Variants in PRKCI observed in about 807,000 individuals in gnomAD.
PRKCI encodes the protein protein kinase C iota type.
A neutral mutation model predicts 84.0 loss-of-function variants in PRKCI; 43 were observed. The ratio of observed to expected loss-of-function variants is 0.51; its 90% CI spans 0.40 to 0.66. PRKCI has a LOEUF of 0.66. Ranked by LOEUF, PRKCI falls within the 30% of genes least tolerant of loss-of-function variation. The pLI, the probability that PRKCI is intolerant of heterozygous loss-of-function variation, is 0.00. For synonymous variants in PRKCI, 216 were observed against 234.4 expected, an observed-to-expected ratio of 0.92 and a Z score of 0.72; for missense variants, 459 against 745.6, an observed-to-expected ratio of 0.62 and a Z score of 4.48.
chr3:170,238,128 C>T (rs867884249), intron 2 of PRKCI, among the ~76,000 whole-genome samples: 5 of 152,100 alleles, frequency 3.3e-5, no homozygotes, highest in Non-Finnish European at 7.3e-5. Context: ...TTTGGGAGGC[C>T]GAGGCGGGTG....
At chr3:170,256,920 G>A (rs1041131684) in intron 2 of PRKCI, among the ~76,000 whole-genome samples, 1 of 151,006 alleles carries the variant, frequency 6.6e-6, no homozygotes. Context: ...TCTTAATTTT[G>A]TATTGACCCC....
intron 2 of PRKCI, among the ~76,000 whole-genome samples, chr3:170,249,515 G>A (rs962675208): frequency 2.6e-5 from 4 of 152,160 alleles, no homozygotes; most frequent in Admixed American, 6.5e-5. Flanking sequence ...TTAGCTGGGC[G>A]TGGTGGCTCA....
chr3:170,232,985 A>G (rs1473131269), intron 1 of PRKCI, among the ~76,000 whole-genome samples: 3 of 152,114 alleles, frequency 2.0e-5, no homozygotes, highest in Non-Finnish European at 2.9e-5. Context: ...CATTATTAAA[A>G]GGTGGAAATT....
rs1487706567 is a variant in PRKCI at position 170,303,996 on chromosome 3, A to C, written c.*869A>C. 1 of 159,246 alleles carries C rather than the reference A, an allele frequency of 6.3e-6. No homozygotes were observed. The highest frequency in any genetic ancestry group is 1.6e-4 in the East Asian group (1 of 6,430). 9.9% of individuals were successfully genotyped at this position (159,246 alleles called of 1,614,324 possible). A position where few individuals can be genotyped will look rare whatever the true frequency, so the allele number is the denominator to read the frequency against. On this transcript the variant is annotated 3_prime_UTR_variant, in exon 18 of 18. Coordinates refer to ENST00000295797, the MANE Select transcript of PRKCI (RefSeq NM_002740.6). ...GAGACTCGGTCTCAAACAAAAACCA[A>C]ATTGGGAAATTCTTCTTGAGTTAAA... is the stretch of plus-strand genomic sequence containing the variant.
At chr3:170,236,642 G>C (rs1163250153) in intron 2 of PRKCI, among the ~76,000 whole-genome samples, 1 of 152,036 alleles carries the variant, frequency 6.6e-6, no homozygotes, top group African/African-American at 2.4e-5. Flanking sequence ...TGGGAGGATT[G>C]CTTGAGGCCA....
intron 4 of PRKCI, among the ~76,000 whole-genome samples, chr3:170,265,079 C>G (rs983885314): frequency 2.6e-5 from 4 of 151,914 alleles, no homozygotes; most frequent in African/African-American, 9.7e-5. Context: ...ATCCTAGCTA[C>G]CTGGGAGGCT....
intron 2 of PRKCI, among the ~76,000 whole-genome samples, chr3:170,248,205 G>C (rs1733340436): frequency 6.6e-6 from 1 of 152,142 alleles, no homozygotes; most frequent in Non-Finnish European, 1.5e-5. Context: ...AATAAAACAA[G>C]AGTTACATAT....
At position 170,290,691 on chromosome 3, in the gene PRKCI, C is replaced by T. The variant is rs374744883; in HGVS notation, c.1204-1163C>T. Among the ~76,000 whole-genome samples the T allele has an allele frequency of 5.2e-3, 789 of 151,678 alleles. 34 individuals carry two copies. The South Asian group carries it at 0.12, about 24-fold the overall frequency. On this transcript the variant is annotated intron_variant, in intron 12 of 17. Coordinates refer to ENST00000295797, the MANE Select transcript of PRKCI (RefSeq NM_002740.6). ...GTGAAATTCTCCTAATAATTTTGTC[C>T]TTTTTTACTCTTTGTATTTTGAGGC...
chr3:170,254,060 G>C (rs1733522208), intron 2 of PRKCI, among the ~76,000 whole-genome samples: 1 of 150,880 alleles, frequency 6.6e-6, no homozygotes, highest in African/African-American at 2.4e-5. Flanking sequence ...TTACGCCACT[G>C]CACTCCAGCC....
In PRKCI at chr3:170,297,375, A is replaced by C. The variant is rs2108867531; in HGVS notation, c.1569A>C (p.Arg523=). 6.2e-7 allele frequency: 1 copy of C among 1,612,590 alleles called. No homozygotes were observed. The highest frequency in any genetic ancestry group is 2.2e-5 in the East Asian group (1 of 44,864). ...ATATTCAGGGACACCCGTTCTTCCG[A>C]AATGTTGATTGGGATATGGTATGTA... ...FADIQGHPFF[R]NVDWDMMEQK... is the part of the protein sequence containing the mutation. The change falls in exon 16 of 18, where the codon CGA becomes CGC. Residue 523 remains arginine, a synonymous_variant. Coordinates refer to ENST00000295797, the MANE Select transcript of PRKCI (RefSeq NM_002740.6).
At chr3:170,226,247 G>A (rs1156947924) in intron 1 of PRKCI, among the ~76,000 whole-genome samples, 1 of 152,126 alleles carries the variant, frequency 6.6e-6, no homozygotes, top group Non-Finnish European at 1.5e-5. Context: ...GAGATTAATA[G>A]CACTGAAAAT....
intron 12 of PRKCI, among the ~76,000 whole-genome samples, chr3:170,287,258 G>T (rs1390414429): frequency 6.6e-6 from 1 of 151,878 alleles, no homozygotes; most frequent in Non-Finnish European, 1.5e-5. Context: ...TTGAGCCTGG[G>T]GCTGTAGTGA....
intron 2 of PRKCI, among the ~76,000 whole-genome samples, chr3:170,252,912 C>CT (rs1285864355): frequency 2.6e-5 from 4 of 152,180 alleles, no homozygotes; most frequent in Admixed American, 2.6e-4. Context: ...ATTCTACTCT[C>CT]TATCTCCATG....
intron 2 of PRKCI, among the ~76,000 whole-genome samples, chr3:170,247,533 C>G (rs958233927): frequency 5.9e-5 from 9 of 151,536 alleles, no homozygotes; most frequent in Admixed American, 5.3e-4. Flanking sequence ...GAGTTCGAGA[C>G]CAGCCTGACC....
chr3:170,260,191 G>A (rs1302831451), intron 3 of PRKCI, 133 bp downstream of exon 3: 2 of 568,278 alleles, frequency 3.5e-6, no homozygotes, highest in Admixed American at 3.6e-5. Flanking sequence ...AGTAATTGTC[G>A]TTATTTAGTA....
At chr3:170,257,576 T>G (rs1577353847) in intron 2 of PRKCI, among the ~76,000 whole-genome samples, 1 of 152,182 alleles carries the variant, frequency 6.6e-6, no homozygotes, top group East Asian at 1.9e-4. Context: ...TCTTCTCACC[T>G]GTTTCCTCCA....
intron 11 of PRKCI, among the ~76,000 whole-genome samples, chr3:170,282,781 T>TC (rs369374368): frequency 6.6e-6 from 1 of 151,670 alleles, no homozygotes; most frequent in African/African-American, 2.4e-5. Context: ...GGCTTTTTTT[T>TC]CCTCTAATCC....
chr3:170,305,205 GA>G lies in PRKCI; in HGVS notation c.*2080del, dbSNP rs1734926243. On this transcript the variant is annotated 3_prime_UTR_variant, in exon 18 of 18. Coordinates refer to ENST00000295797, the MANE Select transcript of PRKCI (RefSeq NM_002740.6). ...ATAGGGCATTAGTTCTCAGATTTTG[GA>G]ATGTGAAATAATCACCTAGGAAGTT... is the stretch of plus-strand genomic sequence containing the variant. The G allele has an allele frequency of 6.6e-6, 1 of 152,578 alleles. No homozygotes were observed. The highest frequency in any genetic ancestry group is 2.4e-5 in the African/African-American group (1 of 41,438). The allele number at this position is 152,578 out of a possible 1,614,324, so 9.5% of individuals were successfully genotyped here.
chr3:170,248,189 TAACTA>T (rs1308349813), intron 2 of PRKCI, among the ~76,000 whole-genome samples: 1 of 152,186 alleles, frequency 6.6e-6, no homozygotes, highest in Non-Finnish European at 1.5e-5. Context: ...TATACTGAAA[TAACTA>T]AATAAAACAA....
Sources: gnomAD v4.1 joint callset for allele counts (sites outside exome capture counted in the v4.1 genomes callset) on GRCh38, gnomAD v4.1.1 for gene constraint, MANE v1.5 for transcripts, NCBI Gene and HGNC (gene_info 2026-07-23, HGNC 2026-07-21) for gene names.